ALK: variants seen among roughly 807,000 people sequenced by gnomAD.
ALK encodes ALK tyrosine kinase receptor.
A neutral mutation model predicts 163.1 loss-of-function variants in ALK; 74 were observed. The observed-to-expected ratio is 0.45, with a 90% CI of 0.38 to 0.55. The LOEUF (loss-of-function observed/expected upper bound fraction) is 0.55. Among genes scored for constraint, ALK ranks in the 20% least tolerant of loss-of-function variants. ALK has a pLI of 0.00. For missense variants in ALK, 2,063 were observed against 2,105.3 expected (o/e 0.98, Z 0.39); for synonymous variants, 960 against 843.2 (o/e 1.14, Z -2.40).
At chr2:29,440,476 C>T (rs1558324899) in intron 4 of ALK, among the ~76,000 whole-genome samples, 1 of 151,956 alleles carries the variant, frequency 6.6e-6, no homozygotes, top group Non-Finnish European at 1.5e-5. Context: ...GCCACCACAC[C>T]CAGCTAATTT....
intron 9 of ALK, among the ~76,000 whole-genome samples, chr2:29,276,245 G>A (rs1011411197): frequency 6.6e-6 from 1 of 152,154 alleles, no homozygotes; most frequent in Non-Finnish European, 1.5e-5. Flanking sequence ...TGGAAGTGTT[G>A]TAACCAACAC....
chr2:29,348,952 G>A (rs1238264088), intron 5 of ALK, among the ~76,000 whole-genome samples: 8 of 152,212 alleles, frequency 5.3e-5, no homozygotes, highest in South Asian at 4.1e-4. Context: ...TACTTGCTCC[G>A]TAAGATTGGG....
intron 4 of ALK, among the ~76,000 whole-genome samples, chr2:29,500,274 T>TAGTG (rs1218399730): frequency 6.6e-6 from 1 of 152,194 alleles, no homozygotes; most frequent in African/African-American, 2.4e-5. Context: ...GTTCTTGTGA[T>TAGTG]AGTGAGTGAG....
Position 29,727,259 on chromosome 2 carries a change from G to C in ALK, c.668-9562C>G, listed in dbSNP as rs376327081. Among the ~76,000 whole-genome samples the C allele has an allele frequency of 5.9e-5, 9 of 152,262 alleles. No individual in the cohort carries two copies. In the East Asian group the frequency reaches 1.7e-3, roughly 29 times the overall value. Reference sequence around the variant, plus strand: ...GATGCTTAGGGTGAGGGGAAGAAGAGGGACAAAACACTTTCTCCTAACTTC... The same window carrying C: ...GATGCTTAGGGTGAGGGGAAGAAGACGGACAAAACACTTTCTCCTAACTTC... On this transcript the variant is annotated intron_variant, in intron 1 of 28. Transcript: ENST00000389048.
chr2:29,374,207 T>C (rs1668700748), intron 5 of ALK, among the ~76,000 whole-genome samples: 1 of 152,198 alleles, frequency 6.6e-6, no homozygotes, highest in African/African-American at 2.4e-5. Context: ...GTGCCAAGCA[T>C]TGTGCTAGGA....
rs577322928 is a variant in ALK at position 29,587,964 on chromosome 2, C to T, written c.953-55848G>A. Among the ~76,000 whole-genome samples the T allele has an allele frequency of 2.6e-5, 4 of 152,216 alleles. No homozygotes were observed. The East Asian group carries it at 7.7e-4, about 29-fold the overall frequency. On this transcript the variant is annotated intron_variant, in intron 3 of 28. Coordinates refer to ENST00000389048, the MANE Select transcript of ALK (RefSeq NM_004304.5). ...TCTAACCCTCCTCTTGGTTCTTGGGCCAAGACATGCCTCTTCTAGTTCAGG... is the reference window on the plus strand; with the variant it reads ...TCTAACCCTCCTCTTGGTTCTTGGGTCAAGACATGCCTCTTCTAGTTCAGG...
At chr2:29,617,919 C>A (rs1675902025) in intron 3 of ALK, among the ~76,000 whole-genome samples, 1 of 152,204 alleles carries the variant, frequency 6.6e-6, no homozygotes, top group Non-Finnish European at 1.5e-5. Context: ...GAAGGCAGCA[C>A]ACCCATAGTC....
At chr2:29,880,223 G>T (rs1312271144) in intron 1 of ALK, among the ~76,000 whole-genome samples, 1 of 152,124 alleles carries the variant, frequency 6.6e-6, no homozygotes, top group African/African-American at 2.4e-5. Flanking sequence ...TCTCCATCCT[G>T]CTCCATACCT....
intron 1 of ALK, among the ~76,000 whole-genome samples, chr2:29,730,378 T>C (rs1245926415): frequency 2.0e-5 from 3 of 152,050 alleles, no homozygotes; most frequent in African/African-American, 7.2e-5. Context: ...TGAACCTAAA[T>C]AGGAGGTACA....
chr2:29,382,883 A>G (rs903392790), intron 5 of ALK, among the ~76,000 whole-genome samples: 4 of 152,220 alleles, frequency 2.6e-5, no homozygotes, highest in Admixed American at 6.5e-5. Context: ...ATTTCCTGCA[A>G]AGCCAGCAAT....
intron 5 of ALK, among the ~76,000 whole-genome samples, chr2:29,338,706 C>T (rs1445536206): frequency 6.6e-6 from 1 of 152,336 alleles, no homozygotes; most frequent in East Asian, 1.9e-4. Flanking sequence ...GAGTCCATGT[C>T]ACTTATTCAG....
At chr2:29,351,492 TG>T (rs1668110875) in intron 5 of ALK, among the ~76,000 whole-genome samples, 1 of 152,146 alleles carries the variant, frequency 6.6e-6, no homozygotes, top group African/African-American at 2.4e-5. Context: ...TCCTGCATCC[TG>T]GGGGCCACTT....
chr2:29,909,979 C>CAAAAAA (rs563460919), intron 1 of ALK, among the ~76,000 whole-genome samples: 1 of 81,730 alleles, frequency 1.2e-5, no homozygotes, highest in African/African-American at 3.7e-5. Flanking sequence ...TGCACCACAC[C>CAAAAAA]AAAAAAAAAA....
chr2:29,652,652 GA>G (rs1395317035), intron 3 of ALK, among the ~76,000 whole-genome samples: 1 of 152,098 alleles, frequency 6.6e-6, no homozygotes, highest in Non-Finnish European at 1.5e-5. Context: ...CTCAGGGAAG[GA>G]CAAAGTGGCT....
rs1207237846 is a variant in ALK at position 29,920,791 on chromosome 2, C to T, written c.-132G>A. On this transcript the variant is annotated 5_prime_UTR_variant, in exon 1 of 29. Coordinates refer to ENST00000389048, the MANE Select transcript of ALK (RefSeq NM_004304.5). ...TCCACCTGATCTCCAGAGGACTGTGCGTGCGCGCAAGTCTCTTGCTTTCCC... is the reference window on the plus strand; with the variant it reads ...TCCACCTGATCTCCAGAGGACTGTGTGTGCGCGCAAGTCTCTTGCTTTCCC... The T allele has an allele frequency of 1.1e-5, 9 of 797,796 alleles. No individual in the cohort carries two copies. Among genetic ancestry groups the T allele is most frequent in the Non-Finnish European group, 1.8e-5 (9 of 509,390 alleles). The allele number at this position is 797,796 out of a possible 1,614,324, so 49.4% of individuals were successfully genotyped here.
chr2:29,278,642 G>A (rs954843700), intron 9 of ALK, among the ~76,000 whole-genome samples: 2 of 152,194 alleles, frequency 1.3e-5, no homozygotes, highest in Non-Finnish European at 2.9e-5. Context: ...GAAAACCAGG[G>A]CCCTAATACT....
In ALK at chr2:29,193,023, T is replaced by C. The variant is rs1573076698; in HGVS notation, c.*201A>G. 16 of 614,512 alleles carry C rather than the reference T, an allele frequency of 2.6e-5. No homozygotes were observed. The East Asian group carries it at 4.6e-4, about 18-fold the overall frequency. The allele number at this position is 614,512 out of a possible 1,614,324, so 38.1% of individuals were successfully genotyped here. A position where few individuals can be genotyped will look rare whatever the true frequency, so the allele number is the denominator to read the frequency against. On this transcript the variant is annotated 3_prime_UTR_variant, in exon 29 of 29. Coordinates refer to ENST00000389048, the MANE Select transcript of ALK (RefSeq NM_004304.5). ...ATCACTCATTTTTATGATATTTTCT[T>C]CTTTCGAAAGAATAGGATGAACCCA...
intron 1 of ALK, among the ~76,000 whole-genome samples, chr2:29,803,617 C>T (rs988121099): frequency 3.3e-5 from 5 of 152,202 alleles, no homozygotes; most frequent in Non-Finnish European, 5.9e-5. Flanking sequence ...TCATCCAATC[C>T]ATCACATGGC....
intron 1 of ALK, among the ~76,000 whole-genome samples, chr2:29,862,408 C>T (rs1666319134): frequency 6.6e-6 from 1 of 152,096 alleles, no homozygotes; most frequent in Admixed American, 6.5e-5. Flanking sequence ...AAAGATTCCA[C>T]CAACGAACTG....
Sources: gnomAD v4.1 joint callset for allele counts (sites outside exome capture counted in the v4.1 genomes callset) on GRCh38, gnomAD v4.1.1 for gene constraint, MANE v1.5 for transcripts, NCBI Gene and HGNC (gene_info 2026-07-23, HGNC 2026-07-21) for gene names.